The following EGFR variants were observed in gnomAD, a reference collection of about 807,000 sequenced individuals.
EGFR encodes the protein avian erythroblastic leukemia viral (v-erb-b) oncogene homolog.
A neutral mutation model predicts 143.0 loss-of-function variants in EGFR; 58 were observed. The observed-to-expected ratio is 0.41, with a 90% CI of 0.33 to 0.50. The LOEUF (loss-of-function observed/expected upper bound fraction) is 0.50. Among genes scored for constraint, EGFR ranks in the 20% least tolerant of loss-of-function variants. The pLI is 0.39. For missense variants in EGFR, 1,307 were observed against 1,579.0 expected (o/e 0.83, Z 2.92); for synonymous variants, 613 against 594.4 (o/e 1.03, Z -0.45).
At chr7:55,083,239 A>C (rs76578342) in intron 1 of EGFR, among the ~76,000 whole-genome samples, 4 of 152,236 alleles carry the variant, frequency 2.6e-5, no homozygotes, top group Non-Finnish European at 4.4e-5. Flanking sequence ...CGTTGACTTT[A>C]TTTAGTAGCA....
At position 55,163,895 on chromosome 7, in the gene EGFR, G is replaced by A. The variant is rs150059205; in HGVS notation, c.1722+72G>A. The A allele has an allele frequency of 3.4e-5, 52 of 1,534,590 alleles. No individual in the cohort carries two copies. In the African/African-American group the frequency reaches 6.5e-4, roughly 19 times the overall value. On this transcript the variant is annotated intron_variant, in intron 14 of 27. Transcript: ENST00000275493. ...TTCACAGAAGCCGAACAGTGATGAT[G>A]GCCCAGGGCATCCTGTGTGGGCAGG...
At chr7:55,197,977 C>T (rs1385510492) in intron 22 of EGFR, among the ~76,000 whole-genome samples, 1 of 152,158 alleles carries the variant, frequency 6.6e-6, no homozygotes, top group South Asian at 2.1e-4. Flanking sequence ...TGTTGTATCT[C>T]TGCCAAGCTT....
chr7:55,151,766 C>T (rs921317803), intron 5 of EGFR, among the ~76,000 whole-genome samples: 1 of 152,090 alleles, frequency 6.6e-6, no homozygotes, highest in East Asian at 1.9e-4. Flanking sequence ...CCCAGCTACT[C>T]GGGAGGCTGA....
chr7:55,198,779 G>A lies in EGFR; in HGVS notation c.2764G>A (p.Glu922Lys), dbSNP rs961150162. The A allele has an allele frequency of 6.8e-6, 11 of 1,614,084 alleles. No homozygotes were observed. The highest frequency in any genetic ancestry group is 1.6e-4 in the Middle Eastern group (1 of 6,084). ...GCCATATGACGGAATCCCTGCCAGCGAGATCTCCTCCATCCTGGAGAAAGG... is the reference window on the plus strand; with the variant it reads ...GCCATATGACGGAATCCCTGCCAGCAAGATCTCCTCCATCCTGGAGAAAGG... ...SKPYDGIPAS[E>K]ISSILEKGER... is the part of the protein sequence containing the mutation. The change falls in exon 23 of 28, where the codon GAG (glutamate) becomes AAG (lysine). Residue 922 changes from glutamate (E) to lysine (K), a missense_variant. Transcript: ENST00000275493.
chr7:55,158,709 G>C (rs1391424512), intron 11 of EGFR, among the ~76,000 whole-genome samples: 1 of 152,188 alleles, frequency 6.6e-6, no homozygotes, highest in East Asian at 1.9e-4. Context: ...GGTGATTCCA[G>C]CTCCTACTGA....
chr7:55,198,008 C>T (rs1787690260), intron 22 of EGFR, among the ~76,000 whole-genome samples: 1 of 152,078 alleles, frequency 6.6e-6, no homozygotes, highest in African/African-American at 2.4e-5. Flanking sequence ...ATGACATTGG[C>T]CTCATAGAAT....
Position 55,142,403 on chromosome 7 carries a change from A to G in EGFR, c.206A>G (p.Tyr69Cys). Residue 69 changes from tyrosine (Y) to cysteine (C), a missense_variant, in exon 2 of 28, where the codon TAT (tyrosine) becomes TGT (cysteine). Around this residue, in one of 7 missense-constraint regions of EGFR, gnomAD observed 311 missense variants for 412.3 expected, o/e 0.75. Coordinates refer to ENST00000275493, the MANE Select transcript of EGFR (RefSeq NM_005228.5). ...GTCCTTGGGAATTTGGAAATTACCT[A>G]TGTGCAGAGGAATTATGATCTTTCC... Reference protein sequence around the residue: ...EVVLGNLEITYVQRNYDLSFL... With the variant: ...EVVLGNLEITCVQRNYDLSFL... 1 of 1,614,182 alleles carries G rather than the reference A, an allele frequency of 6.2e-7. No individual in the cohort carries two copies. The highest frequency in any genetic ancestry group is 8.5e-7 in the Non-Finnish European group (1 of 1,180,036).
chr7:55,034,767 GT>G (rs1462645048), intron 1 of EGFR, among the ~76,000 whole-genome samples: 34 of 152,286 alleles, frequency 2.2e-4, no homozygotes, highest in African/African-American at 7.9e-4. Flanking sequence ...GCATATAAAA[GT>G]TATTTTTAAA....
At chr7:55,124,051 C>T (rs1363198943) in intron 1 of EGFR, among the ~76,000 whole-genome samples, 1 of 151,970 alleles carries the variant, frequency 6.6e-6, no homozygotes, top group Middle Eastern at 3.2e-3. Flanking sequence ...TTAATGTATG[C>T]GTGTAGTTCT....
At chr7:55,137,200 C>G (rs547789203) in intron 1 of EGFR, among the ~76,000 whole-genome samples, 2 of 152,052 alleles carry the variant, frequency 1.3e-5, no homozygotes, top group Non-Finnish European at 2.9e-5. Flanking sequence ...AGCAAAGATG[C>G]GAAGATCTGG....
At chr7:55,090,301 A>G (rs1348921359) in intron 1 of EGFR, among the ~76,000 whole-genome samples, 3 of 152,184 alleles carry the variant, frequency 2.0e-5, no homozygotes, top group Non-Finnish European at 2.9e-5. Context: ...TGTTTTTTAA[A>G]GAACTTCAAA....
intron 1 of EGFR, among the ~76,000 whole-genome samples, chr7:55,133,748 A>G (rs571560507): frequency 8.5e-4 from 130 of 152,274 alleles, no homozygotes; most frequent in African/African-American, 3.0e-3. Flanking sequence ...CTGGCTCTGC[A>G]CTGCCCTTCT....
At position 55,163,939 on chromosome 7, in the gene EGFR, T is replaced by C; in HGVS notation, c.1722+116T>C. On this transcript the variant is annotated intron_variant, in intron 14 of 27. Transcript: ENST00000275493. ...GGGCAGGACGGCCATCAGAGCCACT[T>C]CCCAGAGGAGACGGCAGGCGCTGAC... 5.1e-6 allele frequency: 6 copies of C among 1,179,956 alleles called. No individual in the cohort carries two copies. In the South Asian group the frequency reaches 7.4e-5, roughly 15 times the overall value. 73.1% of individuals were successfully genotyped at this position (1,179,956 alleles called of 1,614,324 possible).
Position 55,206,270 on chromosome 7 carries a change from C to T in EGFR, c.*653C>T, listed in dbSNP as rs573672231. 3.2e-4 allele frequency: 75 copies of T among 235,834 alleles called. No individual in the cohort carries two copies. The highest frequency in any genetic ancestry group is 4.3e-4 in the Non-Finnish European group (52 of 119,794). 14.6% of individuals were successfully genotyped at this position (235,834 alleles called of 1,614,324 possible). ...GGAGGGGATGGAATTCTTCCTTAGA[C>T]TTACTTTTGTAAAAATGTCCCCACG... On this transcript the variant is annotated 3_prime_UTR_variant, in exon 28 of 28. Coordinates refer to ENST00000275493, the MANE Select transcript of EGFR (RefSeq NM_005228.5).
At chr7:55,170,731 A>G in intron 15 of EGFR, 1 of 1,488,520 alleles carries the variant, frequency 6.7e-7, no homozygotes, top group Non-Finnish European at 8.9e-7. Context: ...CTGCCAGATG[A>G]TTGTTCAAAG....
chr7:55,195,988 G>T (rs537144815), intron 22 of EGFR, among the ~76,000 whole-genome samples: 1 of 152,236 alleles, frequency 6.6e-6, no homozygotes, highest in South Asian at 2.1e-4. Context: ...AAATACGCAT[G>T]CATATGTCTT....
chr7:55,200,491 C>A (rs2128970186), intron 24 of EGFR, 78 bp downstream of exon 24: 1 of 1,388,852 alleles, frequency 7.2e-7, no homozygotes, highest in South Asian at 1.2e-5. Flanking sequence ...CTGTCACATG[C>A]CAGCCTGGCC....
chr7:55,082,193 G>A (rs934390492), intron 1 of EGFR, among the ~76,000 whole-genome samples: 1 of 152,172 alleles, frequency 6.6e-6, no homozygotes, highest in Non-Finnish European at 1.5e-5. Context: ...ATATCAGGAT[G>A]AGAAAGCTGT....
intron 1 of EGFR, among the ~76,000 whole-genome samples, chr7:55,057,149 C>T (rs1313777078): frequency 6.6e-6 from 1 of 152,160 alleles, no homozygotes; most frequent in Non-Finnish European, 1.5e-5. Flanking sequence ...CTCAGACAAA[C>T]GGTCAGAAGC....
Sources: allele counts gnomAD v4.1 joint callset (sites outside exome capture counted in the v4.1 genomes callset), GRCh38; gene constraint gnomAD v4.1.1; regional missense constraint gnomAD v4.1.1; transcripts MANE v1.5; gene names NCBI Gene and HGNC (gene_info 2026-07-23, HGNC 2026-07-21).